Variants in ZC3H14 observed in about 807,000 individuals in gnomAD.
ZC3H14 encodes the protein zinc finger CCCH domain-containing protein 14.
ZC3H14 carries 31 observed loss-of-function variants against 92.4 expected under a neutral mutation model. The ratio of observed to expected loss-of-function variants is 0.34; its 90% CI spans 0.25 to 0.45. The LOEUF (loss-of-function observed/expected upper bound fraction) is 0.45, where lower values mean the gene tolerates loss of function less well. Among genes scored for constraint, ZC3H14 ranks in the 20% least tolerant of loss-of-function variants. ZC3H14 has a pLI of 1.00. For missense variants in ZC3H14, 781 were observed against 897.3 expected, an observed-to-expected ratio of 0.87 and a Z score of 1.66; for synonymous variants, 321 against 300.9, an observed-to-expected ratio of 1.07 and a Z score of -0.69.
chr14:88,610,070 A>G (rs1486825957), intron 15 of ZC3H14, among the ~76,000 whole-genome samples: 1 of 152,124 alleles, frequency 6.6e-6, no homozygotes, highest in Non-Finnish European at 1.5e-5. Flanking sequence ...GCATTTAAGT[A>G]TATGGATGGG....
chr14:88,572,010 G>A lies in ZC3H14; in HGVS notation c.236-20G>A. On this transcript the variant is annotated intron_variant, in intron 4 of 16. Coordinates refer to ENST00000251038, the MANE Select transcript of ZC3H14 (RefSeq NM_024824.5). ...ATAAGAAATAAAAATAGATTAAAAG[G>A]ACTGTATTTTTCTTTTCAGAACCCT... 2 of 1,563,836 alleles carry A rather than the reference G, an allele frequency of 1.3e-6. No individual in the cohort carries two copies. Among genetic ancestry groups the A allele is most frequent in the Non-Finnish European group, 1.8e-6 (2 of 1,141,774 alleles).
Position 88,623,862 on chromosome 14 carries a change from G to C in ZC3H14, c.*12111G>C, listed in dbSNP as rs1281931843. The C allele has an allele frequency of 6.6e-6, 1 of 152,204 alleles. No individual in the cohort carries two copies. Among genetic ancestry groups the C allele is most frequent in the Admixed American group, 6.5e-5 (1 of 15,280 alleles). 9.4% of individuals were successfully genotyped at this position (152,204 alleles called of 1,614,324 possible). On this transcript the variant is annotated 3_prime_UTR_variant, in exon 17 of 17. Coordinates refer to ENST00000251038, the MANE Select transcript of ZC3H14 (RefSeq NM_024824.5). ...AATACAAGTGTTGGAGGACGAAATA[G>C]AGCCCATTTATGGATTTTATTCCTG...
At position 88,607,288 on chromosome 14, in the gene ZC3H14, T is replaced by G. The variant is rs192516005; in HGVS notation, c.1793T>G (p.Leu598Trp). The change falls in exon 13 of 17, where the codon TTG (leucine) becomes TGG (tryptophan). Residue 598 changes from leucine (L) to tryptophan (W), a missense_variant. By Grantham distance (61) the Leu-to-Trp change is moderately conservative. This residue lies in a region of ZC3H14 where 221 missense variants were observed against 304.7 expected (regional missense o/e 0.73). Transcript: ENST00000251038. ...LSVAQKPEKLLERCKYWPACK... is the reference protein window; with the variant it reads ...LSVAQKPEKLWERCKYWPACK... ...GTGGCACAGAAACCAGAAAAACTTT[T>G]GGAGCGCTGCAAGTACTGGCCTGCT... The G allele has an allele frequency of 7.1e-5, 114 of 1,614,064 alleles. 1 individual carries two copies. The Middle Eastern group carries it at 9.9e-4, about 14-fold the overall frequency.
chr14:88,585,454 G>C (rs540107760), intron 9 of ZC3H14, among the ~76,000 whole-genome samples: 1 of 149,684 alleles, frequency 6.7e-6, no homozygotes, highest in Non-Finnish European at 1.5e-5. Flanking sequence ...TCGGCTCACC[G>C]CAACCTCCGA....
intron 9 of ZC3H14, among the ~76,000 whole-genome samples, chr14:88,585,704 T>C (rs979354056): frequency 1.3e-5 from 2 of 152,154 alleles, no homozygotes; most frequent in African/African-American, 2.4e-5. Flanking sequence ...TTCTGTTCTT[T>C]TAGTCGTTAC....
At chr14:88,602,222 T>A in intron 11 of ZC3H14, 139 bp downstream of exon 11, 1 of 1,137,308 alleles carries the variant, frequency 8.8e-7, no homozygotes, top group Non-Finnish European at 1.3e-6. Context: ...AGCCCATGAA[T>A]AGTTAGCCAA....
In ZC3H14 at chr14:88,622,383, A is replaced by C. The variant is rs2089158864; in HGVS notation, c.*10632A>C. ...ATTGGCAGATTCTAGAAAATATTGG[A>C]GGTTTACATACAGTATTTAGACAGA... On this transcript the variant is annotated 3_prime_UTR_variant, in exon 17 of 17. Transcript: ENST00000251038. 4 of 383,536 alleles carry C rather than the reference A, an allele frequency of 1.0e-5. No individual in the cohort carries two copies. The highest frequency in any genetic ancestry group is 4.6e-6 in the Non-Finnish European group (1 of 216,588). 23.8% of individuals were successfully genotyped at this position (383,536 alleles called of 1,614,324 possible). A position where few individuals can be genotyped will look rare whatever the true frequency, so the allele number is the denominator to read the frequency against.
In ZC3H14 at chr14:88,622,471, A is replaced by C. The variant is rs2089176889; in HGVS notation, c.*10720A>C. Reference sequence around the variant, plus strand: ...TTGGCAAAGAAAGCAGCAAAGACAGAGTAATGTTGGCAAGCAAATCCATCG... The same window carrying C: ...TTGGCAAAGAAAGCAGCAAAGACAGCGTAATGTTGGCAAGCAAATCCATCG... On this transcript the variant is annotated 3_prime_UTR_variant, in exon 17 of 17. Transcript: ENST00000251038. The C allele has an allele frequency of 4.6e-6, 3 of 656,134 alleles. No homozygotes were observed. The East Asian group carries it at 9.4e-5, about 21-fold the overall frequency. The allele number at this position is 656,134 out of a possible 1,614,324, so 40.6% of individuals were successfully genotyped here.
chr14:88,590,054 T>TGGGAGGCGGAGGTTACG (rs1292601759), intron 9 of ZC3H14: 1 of 151,898 alleles, frequency 6.6e-6, no homozygotes, highest in Non-Finnish European at 1.5e-5. Flanking sequence ...TGGTTGAACC[T>TGGGAGGCGGAGGTTACG]GGGAGGCGGA....
At chr14:88,590,583 T>C (rs2083006926) in intron 9 of ZC3H14, 1 of 152,248 alleles carries the variant, frequency 6.6e-6, no homozygotes, top group African/African-American at 2.4e-5. Context: ...GAAGCTTTAT[T>C]TTTCCCCATA....
At chr14:88,563,513 C>T (rs938761887) in intron 1 of ZC3H14, 138 bp from the exon 2 acceptor site, 256 of 1,558,164 alleles carry the variant, frequency 1.6e-4, no homozygotes, top group Non-Finnish European at 2.1e-4. Context: ...GGGGGCGGTG[C>T]AGGCGAGGCT....
chr14:88,618,187 T>C lies in ZC3H14; in HGVS notation c.*6436T>C. 1.3e-6 allele frequency: 2 copies of C among 1,571,112 alleles called. No individual in the cohort carries two copies. The highest frequency in any genetic ancestry group is 1.7e-6 in the Non-Finnish European group (2 of 1,144,328). ...CAGAAATAGGATTTTCTAACTGGCC[T>C]TCAAAGTCAGTTCTTGCCTTGTGAA... On this transcript the variant is annotated 3_prime_UTR_variant, in exon 17 of 17. Transcript: ENST00000251038.
At chr14:88,586,051 C>G (rs1018956927) in intron 9 of ZC3H14, among the ~76,000 whole-genome samples, 1 of 152,122 alleles carries the variant, frequency 6.6e-6, no homozygotes, top group African/African-American at 2.4e-5. Context: ...ACCTGTAGTC[C>G]CAGCTACTCA....
intron 1 of ZC3H14, chr14:88,563,388 G>A: frequency 1.4e-6 from 2 of 1,439,406 alleles, no homozygotes; most frequent in Non-Finnish European, 9.0e-7. Context: ...GGAAATGGAA[G>A]GACAGGCGCA....
At position 88,620,238 on chromosome 14, in the gene ZC3H14, T is replaced by TAAATGGTAGCCACTGTTG. The variant is rs2088644413; in HGVS notation, c.*8491_*8508dup. 1 of 152,312 alleles carries TAAATGGTAGCCACTGTTG rather than the reference T, an allele frequency of 6.6e-6. No individual in the cohort carries two copies. Among genetic ancestry groups the TAAATGGTAGCCACTGTTG allele is most frequent in the Non-Finnish European group, 1.5e-5 (1 of 68,106 alleles). 9.4% of individuals were successfully genotyped at this position (152,312 alleles called of 1,614,324 possible). A position where few individuals can be genotyped will look rare whatever the true frequency, so the allele number is the denominator to read the frequency against. On this transcript the variant is annotated 3_prime_UTR_variant, in exon 17 of 17. Transcript: ENST00000251038. The surrounding 1 kb of genome is among the most constrained non-coding windows in gnomAD (Gnocchi z 4.3). The stretch of plus-strand genomic sequence containing the variant: ...CTACTGATCACACGGAAGTACTCCG[T>TAAATGGTAGCCACTGTTG]AAATGGTAGCCACTGTTGAAAAATG...
Position 88,575,937 on chromosome 14 carries a change from A to G in ZC3H14, c.1120A>G (p.Thr374Ala). The G allele has an allele frequency of 6.2e-7, 1 of 1,604,144 alleles. No individual in the cohort carries two copies. Among genetic ancestry groups the G allele is most frequent in the Non-Finnish European group, 8.5e-7 (1 of 1,171,280 alleles). Residue 374 changes from threonine to alanine, a missense_variant, in exon 8 of 17, where the codon ACA becomes GCA. Physicochemically the swap from Thr to Ala is moderately conservative, Grantham distance 58 (BLOSUM62 0). Transcript: ENST00000251038. ...CGTAACAAAAACAACTAACTACTCTACAGGTAATTTAAATGTATTATGTTT... is the reference window on the plus strand; with the variant it reads ...CGTAACAAAAACAACTAACTACTCTGCAGGTAATTTAAATGTATTATGTTT... ...ESVTKTTNYS[T>A]VPQKQTLPVA...
chr14:88,626,952 T>C lies in ZC3H14; in HGVS notation c.*15201T>C, dbSNP rs2090015389. Reference sequence around the variant, plus strand: ...CCAGGGTCCAGAACTTCACATGTTTTACTCCCACTGAGACAAACTGGGTAT... The same window carrying C: ...CCAGGGTCCAGAACTTCACATGTTTCACTCCCACTGAGACAAACTGGGTAT... On this transcript the variant is annotated 3_prime_UTR_variant, in exon 17 of 17. Coordinates refer to ENST00000251038, the MANE Select transcript of ZC3H14 (RefSeq NM_024824.5). The C allele has an allele frequency of 1.2e-6, 2 of 1,613,908 alleles. No individual in the cohort carries two copies. Among genetic ancestry groups the C allele is most frequent in the South Asian group, 1.1e-5 (1 of 91,084 alleles).
In ZC3H14 at chr14:88,623,426, T is replaced by G. The variant is rs1256043639; in HGVS notation, c.*11675T>G. 2.6e-5 allele frequency: 4 copies of G among 152,094 alleles called. No individual in the cohort carries two copies. The highest frequency in any genetic ancestry group is 9.7e-5 in the African/African-American group (4 of 41,400). The allele number at this position is 152,094 out of a possible 1,614,324, so 9.4% of individuals were successfully genotyped here. A position where few individuals can be genotyped will look rare whatever the true frequency, so the allele number is the denominator to read the frequency against. On this transcript the variant is annotated 3_prime_UTR_variant, in exon 17 of 17. Coordinates refer to ENST00000251038, the MANE Select transcript of ZC3H14 (RefSeq NM_024824.5). The stretch of plus-strand genomic sequence containing the variant: ...CAAATGCTATGCTACAGAGTTGATT[T>G]ATTTATTTTTTTGAGACAGAGTGTC...
chr14:88,563,541 G>C (rs1342844881), intron 1 of ZC3H14, 110 bp from the exon 2 acceptor site: 3 of 1,581,980 alleles, frequency 1.9e-6, no homozygotes, highest in Non-Finnish European at 1.7e-6. Context: ...GCCCCCGCCC[G>C]GGGGATCCGA....
Sources: allele counts gnomAD v4.1 joint callset (sites outside exome capture counted in the v4.1 genomes callset), GRCh38; gene constraint gnomAD v4.1.1; regional missense constraint gnomAD v4.1.1; non-coding constraint Gnocchi (gnomAD v3.1); transcripts MANE v1.5; gene names NCBI Gene and HGNC (gene_info 2026-07-23, HGNC 2026-07-21).